Variants in ZBTB40 observed in about 807,000 individuals in gnomAD.
ZBTB40 encodes the protein zinc finger and BTB domain-containing protein 40.
ZBTB40 carries 60 observed loss-of-function variants against 117.5 expected under a neutral mutation model. That is an observed-to-expected ratio of 0.51 (90% CI 0.41 to 0.63). The LOEUF (loss-of-function observed/expected upper bound fraction) is 0.63, where lower values mean the gene tolerates loss of function less well. Among genes scored for constraint, ZBTB40 ranks in the 30% least tolerant of loss-of-function variants. ZBTB40 has a pLI of 0.00. For missense variants in ZBTB40, 1,287 were observed against 1,498.5 expected, an observed-to-expected ratio of 0.86 and a Z score of 2.33; for synonymous variants, 525 against 577.1, an observed-to-expected ratio of 0.91 and a Z score of 1.29.
In ZBTB40 at chr1:22,502,225, C is replaced by A. The variant is rs935980381; in HGVS notation, c.1025-74C>A. ...CACTTTACTATTCTGTTAGATCTCT[C>A]TTGACAAACCATGCTGTCATTTTCT... On this transcript the variant is annotated intron_variant, in intron 4 of 17. Coordinates refer to ENST00000375647, the MANE Select transcript of ZBTB40 (RefSeq NM_014870.4). 4.5e-6 allele frequency: 7 copies of A among 1,542,550 alleles called. No individual in the cohort carries two copies. In the African/African-American group the frequency reaches 8.2e-5, roughly 18 times the overall value.
intron 1 of ZBTB40, among the ~76,000 whole-genome samples, chr1:22,465,053 G>T (rs1641221177): frequency 6.6e-6 from 1 of 152,280 alleles, no homozygotes; most frequent in Non-Finnish European, 1.5e-5. Flanking sequence ...CAAGTGAAGG[G>T]TGAAGAAAAC....
chr1:22,516,287 G>A (rs927665284), intron 12 of ZBTB40, among the ~76,000 whole-genome samples: 1 of 152,196 alleles, frequency 6.6e-6, no homozygotes, highest in African/African-American at 2.4e-5. Context: ...TCCTGCTGCT[G>A]TAACAAATTA....
In ZBTB40 at chr1:22,501,530, A is replaced by C; in HGVS notation, c.870A>C (p.Ser290=). Residue 290 remains serine (S), a synonymous_variant, in exon 4 of 18, where the codon TCA becomes TCC. Coordinates refer to ENST00000375647, the MANE Select transcript of ZBTB40 (RefSeq NM_014870.4). ...VKCFEGEGGH[S]AFQRILGKVR... is the part of the protein sequence containing the mutation. ...GTTTCGAGGGTGAAGGAGGACATTC[A>C]GCATTCCAGAGAATCCTGGGTAAAG... 6.2e-7 allele frequency: 1 copy of C among 1,614,198 alleles called. No individual in the cohort carries two copies. The highest frequency in any genetic ancestry group is 8.5e-7 in the Non-Finnish European group (1 of 1,180,028).
intron 1 of ZBTB40, among the ~76,000 whole-genome samples, chr1:22,486,291 G>C (rs1029500286): frequency 6.6e-6 from 1 of 152,216 alleles, no homozygotes; most frequent in African/African-American, 2.4e-5. Flanking sequence ...AACTTCCCAA[G>C]TGCTCTCAGG....
chr1:22,501,282 G>T lies in ZBTB40; in HGVS notation c.832-210G>T, dbSNP rs149713884. The stretch of plus-strand genomic sequence containing the variant: ...CTGAGCAAGGTTAGAGCATGGAGTC[G>T]TGGAATTGGAGTCCTCCAGAAGACA... On this transcript the variant is annotated intron_variant, in intron 3 of 17. Transcript: ENST00000375647. 1.2e-3 allele frequency among the ~76,000 whole-genome samples: 188 copies of T among 152,320 alleles called. 1 individual carries two copies. Among genetic ancestry groups the T allele is most frequent in the African/African-American group, 4.4e-3 (182 of 41,570 alleles).
intron 1 of ZBTB40, among the ~76,000 whole-genome samples, chr1:22,442,519 C>T (rs962138595): frequency 1.6e-4 from 24 of 152,038 alleles, no homozygotes; most frequent in African/African-American, 3.6e-4. Flanking sequence ...GGTTGTTTGT[C>T]GGTTAACTTT....
intron 1 of ZBTB40, among the ~76,000 whole-genome samples, chr1:22,464,135 A>G (rs905198278): frequency 6.6e-6 from 1 of 152,266 alleles, no homozygotes; most frequent in African/African-American, 2.4e-5. Flanking sequence ...ATCTTCCAGC[A>G]GCCCAATGAG....
chr1:22,440,012 T>C (rs553898102), intron 1 of ZBTB40, among the ~76,000 whole-genome samples: 163 of 152,338 alleles, frequency 1.1e-3, no homozygotes, highest in African/African-American at 3.8e-3. Context: ...CAGTAATGTT[T>C]TATAGTATCC....
intron 17 of ZBTB40, 124 bp from the exon 18 acceptor site, chr1:22,526,078 A>G: frequency 1.8e-6 from 2 of 1,141,944 alleles, no homozygotes; most frequent in South Asian, 1.3e-5. Context: ...CATTAGGCAC[A>G]TGTAAGTGCT....
chr1:22,435,286 C>T (rs1640655430), intron 1 of ZBTB40, among the ~76,000 whole-genome samples: 1 of 152,204 alleles, frequency 6.6e-6, no homozygotes. Flanking sequence ...CAGGCATGCG[C>T]CATTGTGCCC....
intron 1 of ZBTB40, chr1:22,452,800 C>G (rs1421242879): frequency 6.6e-6 from 1 of 152,304 alleles, no homozygotes; most frequent in Non-Finnish European, 1.5e-5. Context: ...TGACAGAACA[C>G]TCTGGCTTCC....
chr1:22,442,926 C>T (rs1640750228), intron 1 of ZBTB40, among the ~76,000 whole-genome samples: 2 of 152,138 alleles, frequency 1.3e-5, no homozygotes, highest in Non-Finnish European at 2.9e-5. Context: ...TAAGTGGGTG[C>T]ATAAATATTT....
chr1:22,431,877 A>G (rs1249402646), intron 1 of ZBTB40, among the ~76,000 whole-genome samples: 4 of 151,916 alleles, frequency 2.6e-5, no homozygotes, highest in Admixed American at 6.6e-5. Flanking sequence ...ATATGTTTAC[A>G]TTATTCAAAC....
Position 22,528,377 on chromosome 1 carries a change from C to T in ZBTB40, c.*1981C>T, listed in dbSNP as rs1033506457. On this transcript the variant is annotated 3_prime_UTR_variant, in exon 18 of 18. Coordinates refer to ENST00000375647, the MANE Select transcript of ZBTB40 (RefSeq NM_014870.4). Reference sequence around the variant, plus strand: ...GCAGTGAATGTCATTAAAATTTCTTCCAAAACAAAACTAGAAATAATTGCT... The same window carrying T: ...GCAGTGAATGTCATTAAAATTTCTTTCAAAACAAAACTAGAAATAATTGCT... The T allele has an allele frequency of 1.3e-5, 2 of 152,242 alleles. No individual in the cohort carries two copies. The highest frequency in any genetic ancestry group is 2.9e-5 in the Non-Finnish European group (2 of 68,018). The allele number at this position is 152,242 out of a possible 1,614,324, so 9.4% of individuals were successfully genotyped here. A position where few individuals can be genotyped will look rare whatever the true frequency, so the allele number is the denominator to read the frequency against.
rs1055297553 is a variant in ZBTB40, at chr1:22,500,636, G to A, written c.832-856G>A. 2.0e-5 allele frequency among the ~76,000 whole-genome samples: 3 copies of A among 152,188 alleles called. 1 individual carries two copies. Among genetic ancestry groups the A allele is most frequent in the African/African-American group, 7.2e-5 (3 of 41,456 alleles). On this transcript the variant is annotated intron_variant, in intron 3 of 17. Transcript: ENST00000375647. ...AAGAGAATTGTGATACAGAGGCACT[G>A]CCAAGTGCCACCGAAAGGTCAAGTG... is the stretch of plus-strand genomic sequence containing the variant.
In ZBTB40 at chr1:22,526,558, C is replaced by A; in HGVS notation, c.*162C>A. 2.2e-6 allele frequency: 2 copies of A among 895,426 alleles called. No individual in the cohort carries two copies. Among genetic ancestry groups the A allele is most frequent in the Non-Finnish European group, 3.5e-6 (2 of 573,528 alleles). The allele number at this position is 895,426 out of a possible 1,614,324, so 55.5% of individuals were successfully genotyped here. ...GAAAACAGATGGAAGCTTCGTTGTT[C>A]TCATAGAACCAACAGCATCTGAGCC... On this transcript the variant is annotated 3_prime_UTR_variant, in exon 18 of 18. Transcript: ENST00000375647.
Position 22,508,696 on chromosome 1 carries a change from G to A in ZBTB40, c.1664G>A (p.Arg555Gln), listed in dbSNP as rs993978885. Residue 555 changes from arginine (R) to glutamine (Q), a missense_variant, in exon 8 of 18, where the codon CGA becomes CAA. By Grantham distance (43) the Arg-to-Gln change is conservative. This residue lies in a region of ZBTB40 where 870 missense variants were observed against 934.4 expected (regional missense o/e 0.93). Transcript: ENST00000375647. ...TTGGACCTGCTCATGGAGGAAATACGAAGGGAGCCTGGTGCCGATGCTTTC... is the reference window on the plus strand; with the variant it reads ...TTGGACCTGCTCATGGAGGAAATACAAAGGGAGCCTGGTGCCGATGCTTTC... ...CPLDLLMEEIRREPGADAFFR... is the reference protein window; with the variant it reads ...CPLDLLMEEIQREPGADAFFR... 17 of 1,613,994 alleles carry A rather than the reference G, an allele frequency of 1.1e-5. No individual in the cohort carries two copies. The highest frequency in any genetic ancestry group is 3.3e-5 in the Admixed American group (2 of 60,008).
chr1:22,501,298 C>G (rs569409091), intron 3 of ZBTB40, among the ~76,000 whole-genome samples, 194 bp from the exon 4 acceptor site: 1 of 152,160 alleles, frequency 6.6e-6, no homozygotes, highest in Non-Finnish European at 1.5e-5. Context: ...TTGGAGTCCT[C>G]CAGAAGACAG....
intron 3 of ZBTB40, among the ~76,000 whole-genome samples, chr1:22,500,753 G>C (rs1358306860): frequency 6.6e-6 from 1 of 152,150 alleles, no homozygotes; most frequent in African/African-American, 2.4e-5. Context: ...CATTCACACG[G>C]GGTAATTAAC....
Sources: gnomAD v4.1 joint callset for allele counts (sites outside exome capture counted in the v4.1 genomes callset) on GRCh38, gnomAD v4.1.1 for gene constraint, gnomAD v4.1.1 regional missense constraint, MANE v1.5 for transcripts, NCBI Gene and HGNC (gene_info 2026-07-23, HGNC 2026-07-21) for gene names.